TET3: variants seen among roughly 807,000 people sequenced by gnomAD.
The protein encoded by TET3 is methylcytosine dioxygenase TET3.
A neutral mutation model predicts 141.4 loss-of-function variants in TET3; 19 were observed. The observed-to-expected ratio is 0.13, with a 90% CI of 0.09 to 0.20. TET3 has a LOEUF of 0.20. TET3 is among the 10% of genes least tolerant of loss of function. TET3 has a pLI of 1.00. For missense variants in TET3, 1,874 were observed against 2,356.9 expected (o/e 0.80, Z 4.24); for synonymous variants, 1,043 against 980.9 (o/e 1.06, Z -1.18).
At chr2:74,019,831 C>G (rs1685939510) in intron 3 of TET3, among the ~76,000 whole-genome samples, 1 of 152,202 alleles carries the variant, frequency 6.6e-6, no homozygotes, top group African/African-American at 2.4e-5. Context: ...GAGGAGCCCT[C>G]TGAGCCTCTA....
In TET3 at chr2:74,047,169, G is replaced by C. The variant is rs768114828; in HGVS notation, c.1252G>C (p.Ala418Pro). The C allele has an allele frequency of 2.5e-6, 4 of 1,613,786 alleles. No homozygotes were observed. Among genetic ancestry groups the C allele is most frequent in the Non-Finnish European group, 3.4e-6 (4 of 1,179,896 alleles). Reference protein sequence around the residue: ...VVPPEEHSSFAPDSSAFPPAT... With the variant: ...VVPPEEHSSFPPDSSAFPPAT... ...TCCTCCTGAAGAGCACTCATCTTTT[G>C]CTCCTGATAGCTCTGCCTTCCCTCC... Residue 418 changes from alanine (A) to proline (P), a missense_variant, in exon 4 of 12, where the codon GCT becomes CCT. This residue lies in a region of TET3 where 484 missense variants were observed against 462.2 expected (regional missense o/e 1.05). Coordinates refer to ENST00000409262, the MANE Select transcript of TET3 (RefSeq NM_001287491.2).
At chr2:73,995,984 G>A (rs965654497) in intron 2 of TET3, among the ~76,000 whole-genome samples, 1 of 152,056 alleles carries the variant, frequency 6.6e-6, no homozygotes, top group African/African-American at 2.4e-5. Context: ...GGTGGTGTGC[G>A]CCACCCAGAG....
At chr2:74,007,468 G>C (rs1033712792) in intron 3 of TET3, among the ~76,000 whole-genome samples, 1 of 152,180 alleles carries the variant, frequency 6.6e-6, no homozygotes, top group African/African-American at 2.4e-5. Flanking sequence ...TAGATGTTTC[G>C]GATTTGAGAT....
At chr2:73,996,739 C>G (rs181412207) in intron 2 of TET3, among the ~76,000 whole-genome samples, 162 of 152,296 alleles carry the variant, frequency 1.1e-3, no homozygotes, top group Middle Eastern at 6.8e-3. Context: ...AACTCCTGGA[C>G]CTCAGGTGAT....
chr2:74,100,913 C>T lies in TET3; in HGVS notation c.4125C>T (p.Leu1375=), dbSNP rs1244481718. The change falls in exon 12 of 12, where the codon CTC becomes CTT. Residue 1375 remains leucine (L), a synonymous_variant. Transcript: ENST00000409262. ...ATCTGCTTCCCAAGGCCCCCCTACT[C>T]CACTCAGTGTCCAGGGACCCCTCCC... The part of the protein sequence containing the change: ...KEYLLPKAPL[L]HSVSRDPSPF... 1 of 1,610,370 alleles carries T rather than the reference C, an allele frequency of 6.2e-7. No individual in the cohort carries two copies. The highest frequency in any genetic ancestry group is 2.2e-5 in the East Asian group (1 of 44,742).
At chr2:74,113,009 A>AAAC (rs1481250495), downstream of TET3, among the ~76,000 whole-genome samples, 13 of 117,170 alleles carry the variant, frequency 1.1e-4, no homozygotes, top group African/African-American at 4.9e-4. Flanking sequence ...TCCGTCTCAA[A>AAAC]AAAAAAAAAA....
chr2:74,088,982 G>A lies in TET3; in HGVS notation c.2889-915G>A, dbSNP rs141310183. Among the ~76,000 whole-genome samples the A allele has an allele frequency of 4.8e-3, 723 of 150,030 alleles. 5 individuals are homozygous for A. Among genetic ancestry groups the A allele is most frequent in the African/African-American group, 0.017 (693 of 40,776 alleles). On this transcript the variant is annotated intron_variant, in intron 7 of 11. Coordinates refer to ENST00000409262, the MANE Select transcript of TET3 (RefSeq NM_001287491.2). Reference sequence around the variant, plus strand: ...TGTAATCCCAGCTACTAAGGAGGCTGAGGCATGAGAATCACTTTCACCCAG... The same window carrying A: ...TGTAATCCCAGCTACTAAGGAGGCTAAGGCATGAGAATCACTTTCACCCAG...
rs939335709 is a variant in TET3, at chr2:74,102,457, C to A, written c.*281C>A. ...TTATATCTCCAAGTTGTCCCCCCCC[C>A]TTGTCTGGGGGGTTTTTATTTTTAT... is the stretch of plus-strand genomic sequence containing the variant. On this transcript the variant is annotated 3_prime_UTR_variant, in exon 12 of 12. Transcript: ENST00000409262. 2 of 280,892 alleles carry A rather than the reference C, an allele frequency of 7.1e-6. No individual in the cohort carries two copies. The allele number at this position is 280,892 out of a possible 1,614,324, so 17.4% of individuals were successfully genotyped here.
At chr2:74,027,109 A>C (rs1284487910) in intron 3 of TET3, among the ~76,000 whole-genome samples, 1 of 152,204 alleles carries the variant, frequency 6.6e-6, no homozygotes, top group Non-Finnish European at 1.5e-5. Context: ...AACGAGTTGC[A>C]GAGAATGAAT....
downstream of TET3, among the ~76,000 whole-genome samples, chr2:74,111,789 G>A (rs1012994317): frequency 3.3e-5 from 5 of 152,198 alleles, no homozygotes; most frequent in Admixed American, 6.5e-5. Context: ...TGTATTTGGT[G>A]CCAAAGTTTG....
At chr2:73,992,086 C>G (rs539665060) in intron 2 of TET3, among the ~76,000 whole-genome samples, 5 of 152,050 alleles carry the variant, frequency 3.3e-5, no homozygotes, top group Non-Finnish European at 7.4e-5. Context: ...ATGCTGATAA[C>G]AATGTCTTGT....
chr2:74,108,167 T>C lies in TET3; in HGVS notation c.*5991T>C, dbSNP rs1408139635. 1.3e-5 allele frequency: 2 copies of C among 153,814 alleles called. No homozygotes were observed. Among genetic ancestry groups the C allele is most frequent in the African/African-American group, 4.8e-5 (2 of 41,468 alleles). 9.5% of individuals were successfully genotyped at this position (153,814 alleles called of 1,614,324 possible). On this transcript the variant is annotated 3_prime_UTR_variant, in exon 12 of 12. Coordinates refer to ENST00000409262, the MANE Select transcript of TET3 (RefSeq NM_001287491.2). ...TTTAATAAATTTTATATTTATTTTT[T>C]GCACTCAAATTCAGTGTGGGTTCTC... is the stretch of plus-strand genomic sequence containing the variant.
intron 1 of TET3, among the ~76,000 whole-genome samples, chr2:73,985,419 G>C (rs1334374355): frequency 6.9e-6 from 1 of 144,584 alleles, no homozygotes; most frequent in African/African-American, 2.5e-5. Context: ...GGCGGCGCGC[G>C]CGCGGCCCGG....
intron 4 of TET3, among the ~76,000 whole-genome samples, chr2:74,049,329 TG>T (rs1174695442): frequency 6.6e-6 from 1 of 152,180 alleles, no homozygotes; most frequent in Non-Finnish European, 1.5e-5. Flanking sequence ...CTAGTTAGCA[TG>T]CAAGTCATGG....
At chr2:74,092,429 T>TCTGGGCTGGGCTGGG (rs569626705) in intron 8 of TET3, among the ~76,000 whole-genome samples, 1 of 152,056 alleles carries the variant, frequency 6.6e-6, no homozygotes, top group Non-Finnish European at 1.5e-5. Flanking sequence ...TATGACAGGC[T>TCTGGGCTGGGCTGGG]CTGGGCTGGG....
chr2:74,008,031 A>G (rs1171419252), intron 3 of TET3, among the ~76,000 whole-genome samples: 2 of 151,976 alleles, frequency 1.3e-5, no homozygotes, highest in Non-Finnish European at 2.9e-5. Flanking sequence ...TGGTTCCTGT[A>G]TTTATGTTGT....
At chr2:74,066,839 C>T (rs1276199528) in intron 4 of TET3, among the ~76,000 whole-genome samples, 4 of 152,054 alleles carry the variant, frequency 2.6e-5, no homozygotes, top group Non-Finnish European at 5.9e-5. Flanking sequence ...TGTCCTTAAC[C>T]GTGTAAGTTT....
chr2:74,026,286 G>A (rs928855977), intron 3 of TET3, among the ~76,000 whole-genome samples: 1 of 152,160 alleles, frequency 6.6e-6, no homozygotes, highest in African/African-American at 2.4e-5. Context: ...CACTGCCTTG[G>A]GTAGGGCCCA....
rs1169825389 is a variant in TET3 at position 74,103,420 on chromosome 2, C to G, written c.*1244C>G. The G allele has an allele frequency of 6.6e-6, 1 of 152,278 alleles. No individual in the cohort carries two copies. Among genetic ancestry groups the G allele is most frequent in the Non-Finnish European group, 1.5e-5 (1 of 68,084 alleles). The allele number at this position is 152,278 out of a possible 1,614,324, so 9.4% of individuals were successfully genotyped here. ...ATTGGACAATGGTGCATGCCTCACA[C>G]CTGAGCCTGCTTCCTCCATGCTGTC... On this transcript the variant is annotated 3_prime_UTR_variant, in exon 12 of 12. Transcript: ENST00000409262.
Sources: gnomAD v4.1 joint callset for allele counts (sites outside exome capture counted in the v4.1 genomes callset) on GRCh38, gnomAD v4.1.1 for gene constraint, gnomAD v4.1.1 regional missense constraint, MANE v1.5 for transcripts, NCBI Gene and HGNC (gene_info 2026-07-23, HGNC 2026-07-21) for gene names.